The following SUZ12 variants were observed in gnomAD, a reference collection of about 807,000 sequenced individuals.
SUZ12 encodes the protein SUZ12 polycomb repressive complex 2 subunit, also known as polycomb protein SUZ12.
SUZ12 carries 17 observed loss-of-function variants against 87.3 expected under a neutral mutation model. That is an observed-to-expected ratio of 0.19 (90% confidence interval 0.13 to 0.29). The LOEUF (loss-of-function observed/expected upper bound fraction) is 0.29. Among genes scored for constraint, SUZ12 ranks in the 10% least tolerant of loss-of-function variants. SUZ12 has a pLI of 1.00. For synonymous variants in SUZ12, 253 were observed against 312.4 expected (o/e 0.81, Z 2.01); for missense variants, 526 against 912.2 (o/e 0.58, Z 5.45).
chr17:31,983,262 G>A (rs1909214459), intron 9 of SUZ12, among the ~76,000 whole-genome samples, 158 bp downstream of exon 9: 1 of 150,048 alleles, frequency 6.7e-6, no homozygotes, highest in Admixed American at 6.7e-5. Flanking sequence ...GCATTTAACG[G>A]AAGGTATCAT....
At position 31,973,886 on chromosome 17, in the gene SUZ12, G is replaced by A. The variant is rs148841038; in HGVS notation, c.591+655G>A. Among the ~76,000 whole-genome samples, 689 of 152,232 alleles carry A rather than the reference G, an allele frequency of 4.5e-3. 5 individuals carry two copies. Among genetic ancestry groups the A allele is most frequent in the African/African-American group, 0.016 (664 of 41,548 alleles). On this transcript the variant is annotated intron_variant, in intron 6 of 15. Transcript: ENST00000322652. ...TAAGGGCCTCAATCACTGGGAGGGA[G>A]TAGACTAAGGCACCATGGAGGCAGC...
chr17:31,998,970 G>A lies in SUZ12; in HGVS notation c.2187G>A (p.Gly729=). Residue 729 remains glycine, a synonymous_variant, in exon 16 of 16, where the codon GGG becomes GGA. Coordinates refer to ENST00000322652, the MANE Select transcript of SUZ12 (RefSeq NM_015355.4). The part of the protein sequence containing the change: ...EKALETDSVS[G]VSKQSKKQKL ...CTTTGGAAACAGATAGTGTCTCAGG[G>A]GTTTCAAAACAGAGCAAAAAACAAA... 6.3e-7 allele frequency: 1 copy of A among 1,581,508 alleles called. No individual in the cohort carries two copies. Among genetic ancestry groups the A allele is most frequent in the Admixed American group, 1.9e-5 (1 of 51,702 alleles).
At chr17:31,969,311 A>G (rs527590690) in intron 5 of SUZ12, among the ~76,000 whole-genome samples, 47 of 151,758 alleles carry the variant, frequency 3.1e-4, no homozygotes, top group Non-Finnish European at 5.3e-4. Context: ...ATGCCCCGCT[A>G]ATTTTTTGTA....
Position 32,000,670 on chromosome 17 carries a change from A to G in SUZ12, c.*1667A>G, listed in dbSNP as rs1910213359. 1 of 228,582 alleles carries G rather than the reference A, an allele frequency of 4.4e-6. No homozygotes were observed. The highest frequency in any genetic ancestry group is 6.3e-5 in the East Asian group (1 of 15,984). 14.2% of individuals were successfully genotyped at this position (228,582 alleles called of 1,614,324 possible). A position where few individuals can be genotyped will look rare whatever the true frequency, so the allele number is the denominator to read the frequency against. ...AAAAAGATTATTTTAGGGGAGATGT[A>G]GGTGTAGAATTATTGCTTATGTCAT... is the stretch of plus-strand genomic sequence containing the variant. On this transcript the variant is annotated 3_prime_UTR_variant, in exon 16 of 16. Transcript: ENST00000322652.
At chr17:31,965,008 G>T (rs1196359530) in intron 4 of SUZ12, among the ~76,000 whole-genome samples, 1 of 149,510 alleles carries the variant, frequency 6.7e-6, no homozygotes, top group South Asian at 2.2e-4. Context: ...AGGAGTCCTG[G>T]TCAAATTTAC....
At chr17:31,968,410 T>G (rs1247269468) in intron 5 of SUZ12, among the ~76,000 whole-genome samples, 3 of 152,006 alleles carry the variant, frequency 2.0e-5, no homozygotes, top group Non-Finnish European at 4.4e-5. Context: ...AAAAATTTTT[T>G]TTGTTAAGAT....
intron 4 of SUZ12, among the ~76,000 whole-genome samples, chr17:31,963,327 A>C (rs1907854018): frequency 6.6e-6 from 1 of 151,794 alleles, no homozygotes. Context: ...TATTTTTAGT[A>C]GAGATTGGGT....
chr17:31,994,673 G>A lies in SUZ12; in HGVS notation c.1547G>A (p.Arg516His). 1.9e-6 allele frequency: 3 copies of A among 1,613,872 alleles called. No homozygotes were observed. Among genetic ancestry groups the A allele is most frequent in the Non-Finnish European group, 1.7e-6 (2 of 1,179,942 alleles). The change falls in exon 13 of 16, where the codon CGC (arginine) becomes CAC (histidine). Residue 516 changes from arginine (R) to histidine (H), a missense_variant. By Grantham distance (29) the Arg-to-His change is conservative. Transcript: ENST00000322652. ...CGCCAACCTGGATTTGCTTTTAGTCGCAACGGACCAGTTAAGAGAACACCT... is the reference window on the plus strand; with the variant it reads ...CGCCAACCTGGATTTGCTTTTAGTCACAACGGACCAGTTAAGAGAACACCT... ...IHRQPGFAFS[R>H]NGPVKRTPIT...
At chr17:31,976,979 G>A (rs1199686730) in intron 8 of SUZ12, among the ~76,000 whole-genome samples, 1 of 152,238 alleles carries the variant, frequency 6.6e-6, no homozygotes, top group Non-Finnish European at 1.5e-5. Context: ...GTCACTTAGT[G>A]ATGAGTGTTG....
intron 5 of SUZ12, among the ~76,000 whole-genome samples, chr17:31,972,100 A>T (rs371417990): frequency 6.6e-6 from 1 of 151,892 alleles, no homozygotes; most frequent in Non-Finnish European, 1.5e-5. Context: ...CCTAGCCAAC[A>T]TGGTGAAACC....
chr17:31,990,244 AT>A (rs1294612534), intron 10 of SUZ12, among the ~76,000 whole-genome samples: 2 of 149,626 alleles, frequency 1.3e-5, no homozygotes, highest in Non-Finnish European at 3.0e-5. Context: ...AAGTGCTGAG[AT>A]TACAGGCGTG....
chr17:31,957,545 G>A (rs1357696206), intron 4 of SUZ12, among the ~76,000 whole-genome samples: 3 of 151,894 alleles, frequency 2.0e-5, no homozygotes, highest in Admixed American at 6.6e-5. Context: ...CCGAGTAGCC[G>A]GGATTACAGG....
At chr17:31,947,248 G>T (rs1906689764) in intron 3 of SUZ12, among the ~76,000 whole-genome samples, 1 of 152,038 alleles carries the variant, frequency 6.6e-6, no homozygotes, top group Non-Finnish European at 1.5e-5. Flanking sequence ...TGCCCTTCAG[G>T]AATATATAAT....
intron 4 of SUZ12, among the ~76,000 whole-genome samples, chr17:31,958,345 A>G (rs1907490794): frequency 6.6e-6 from 1 of 152,154 alleles, no homozygotes; most frequent in Admixed American, 6.5e-5. Flanking sequence ...CTATTAAATT[A>G]TTTTTAAGAG....
intron 14 of SUZ12, among the ~76,000 whole-genome samples, chr17:31,996,590 G>C (rs1193378413): frequency 6.6e-6 from 1 of 152,162 alleles, no homozygotes; most frequent in African/African-American, 2.4e-5. Flanking sequence ...CTGTACTTCA[G>C]CCTGGGCGAT....
intron 4 of SUZ12, among the ~76,000 whole-genome samples, chr17:31,955,049 G>C (rs1354390275): frequency 1.3e-5 from 2 of 152,128 alleles, no homozygotes; most frequent in Non-Finnish European, 2.9e-5. Flanking sequence ...TGCAGTGATA[G>C]GTTCATAGCT....
rs1489774639 is a variant in SUZ12, at chr17:31,975,677, A to C, written c.787A>C (p.Asn263His). Reference sequence around the variant, plus strand: ...GACTCGTCCAGGAAGAAGAGAGTTTAATGGAATGATTAATGGAGAAACCAA... The same window carrying C: ...GACTCGTCCAGGAAGAAGAGAGTTTCATGGAATGATTAATGGAGAAACCAA... ...RVTRPGRREFNGMINGETNEN... is the reference protein window; with the variant it reads ...RVTRPGRREFHGMINGETNEN... The change falls in exon 7 of 16, where the codon AAT becomes CAT. Residue 263 changes from asparagine (N) to histidine (H), a missense_variant. This residue lies in a region of SUZ12 where 73 missense variants were observed against 133.8 expected (regional missense o/e 0.55). Transcript: ENST00000322652. 6.2e-7 allele frequency: 1 copy of C among 1,613,454 alleles called. No homozygotes were observed. The highest frequency in any genetic ancestry group is 8.5e-7 in the Non-Finnish European group (1 of 1,179,788).
chr17:31,949,618 C>T (rs1906826078), intron 4 of SUZ12, among the ~76,000 whole-genome samples: 1 of 139,154 alleles, frequency 7.2e-6, no homozygotes, highest in Admixed American at 7.5e-5. Flanking sequence ...CTGCCTCAGC[C>T]TCCCAATTAT....
intron 4 of SUZ12, among the ~76,000 whole-genome samples, chr17:31,953,915 T>C (rs180808113): frequency 1.3e-3 from 190 of 151,976 alleles, no homozygotes; most frequent in Middle Eastern, 3.4e-3. Flanking sequence ...GGTTTCACCA[T>C]GTTGGCCAGG....
Sources: gnomAD v4.1 joint callset for allele counts (sites outside exome capture counted in the v4.1 genomes callset) on GRCh38, gnomAD v4.1.1 for gene constraint, gnomAD v4.1.1 regional missense constraint, MANE v1.5 for transcripts, NCBI Gene and HGNC (gene_info 2026-07-23, HGNC 2026-07-21) for gene names.